UGT8: variants seen among roughly 807,000 people sequenced by gnomAD.
UGT8 encodes the protein UDP glycosyltransferase 8, also known as 2-hydroxyacylsphingosine 1-beta-galactosyltransferase.
In UGT8, 12 loss-of-function variants were observed where a neutral mutation model predicts 40.5. That is an observed-to-expected ratio of 0.30 (90% CI 0.19 to 0.48). UGT8 has a LOEUF of 0.48. Among genes scored for constraint, UGT8 ranks in the 20% least tolerant of loss-of-function variants. The pLI is 0.99. For missense variants in UGT8, 513 were observed against 648.7 expected, an observed-to-expected ratio of 0.79 and a Z score of 2.27; for synonymous variants, 224 against 240.4, an observed-to-expected ratio of 0.93 and a Z score of 0.63.
chr4:114,630,395 G>A (rs12648779), intron 2 of UGT8, among the ~76,000 whole-genome samples: 1,575 of 152,298 alleles, frequency 0.01, 54 homozygotes, highest in East Asian at 0.079. Flanking sequence ...GTATATGAGA[G>A]CCACGACAAT....
At chr4:114,673,850 G>A (rs1735452669) in intron 5 of UGT8, among the ~76,000 whole-genome samples, 1 of 152,096 alleles carries the variant, frequency 6.6e-6, no homozygotes, top group South Asian at 2.1e-4. Context: ...TAGAAATTAT[G>A]ATAAATTACA....
chr4:114,659,283 A>G (rs541548562), intron 2 of UGT8, among the ~76,000 whole-genome samples: 1 of 152,336 alleles, frequency 6.6e-6, no homozygotes, highest in South Asian at 2.1e-4. Flanking sequence ...AAGAAGATAA[A>G]ATGATTATTT....
intron 1 of UGT8, 180 bp from the exon 2 acceptor site, chr4:114,622,699 C>T (rs1731894356): frequency 3.6e-6 from 2 of 551,648 alleles, no homozygotes; most frequent in Non-Finnish European, 6.3e-6. Context: ...TGATGGTGAG[C>T]ATTTTTTCAT....
At chr4:114,635,043 G>A (rs1236949130) in intron 2 of UGT8, among the ~76,000 whole-genome samples, 3 of 147,582 alleles carry the variant, frequency 2.0e-5, no homozygotes, top group East Asian at 2.0e-4. Context: ...TTTTTTTTTA[G>A]TAAACCATGA....
intron 2 of UGT8, among the ~76,000 whole-genome samples, chr4:114,636,489 G>C (rs765475861): frequency 6.6e-6 from 1 of 152,016 alleles, no homozygotes; most frequent in Admixed American, 6.5e-5. Flanking sequence ...TAATCTTTAC[G>C]CATTAGTGTT....
chr4:114,676,549 A>G lies in UGT8; in HGVS notation c.*261A>G. Reference sequence around the variant, plus strand: ...AAGCCTTAATTATTTAAATCAATTCAGTGACTGTGTCAGACCTTAGTTTTA... The same window carrying G: ...AAGCCTTAATTATTTAAATCAATTCGGTGACTGTGTCAGACCTTAGTTTTA... On this transcript the variant is annotated 3_prime_UTR_variant, in exon 6 of 6. Coordinates refer to ENST00000310836, the MANE Select transcript of UGT8 (RefSeq NM_001128174.3). 1 of 352,674 alleles carries G rather than the reference A, an allele frequency of 2.8e-6. No homozygotes were observed. Among genetic ancestry groups the G allele is most frequent in the Non-Finnish European group, 5.1e-6 (1 of 194,462 alleles). The allele number at this position is 352,674 out of a possible 1,614,324, so 21.8% of individuals were successfully genotyped here. A position where few individuals can be genotyped will look rare whatever the true frequency, so the allele number is the denominator to read the frequency against.
chr4:114,650,279 A>C (rs1463139466), intron 2 of UGT8, among the ~76,000 whole-genome samples: 1 of 152,192 alleles, frequency 6.6e-6, no homozygotes, highest in Non-Finnish European at 1.5e-5. Context: ...CCTTTTGCAA[A>C]TAGCACTTAT....
intron 1 of UGT8, among the ~76,000 whole-genome samples, chr4:114,612,514 G>A (rs1731155336): frequency 6.6e-6 from 1 of 151,854 alleles, no homozygotes; most frequent in Non-Finnish European, 1.5e-5. Context: ...CCACGTATAG[G>A]TCCATTAAAA....
chr4:114,644,351 T>TA (rs1337910670), intron 2 of UGT8, among the ~76,000 whole-genome samples: 1 of 152,194 alleles, frequency 6.6e-6, no homozygotes, highest in African/African-American at 2.4e-5. Context: ...TGTTCATTGG[T>TA]ATCCTTCTCA....
intron 2 of UGT8, chr4:114,656,635 G>A: frequency 3.1e-6 from 1 of 324,208 alleles, no homozygotes; most frequent in Non-Finnish European, 6.2e-6. Context: ...AAGAAGTGTG[G>A]TAGGTGCCCT....
intron 2 of UGT8, among the ~76,000 whole-genome samples, chr4:114,646,038 A>G (rs1360410669): frequency 6.6e-6 from 1 of 152,196 alleles, no homozygotes; most frequent in Non-Finnish European, 1.5e-5. Context: ...AGTATATGTA[A>G]TAAGAAGTAT....
chr4:114,608,880 A>G (rs1169227057), intron 1 of UGT8, among the ~76,000 whole-genome samples: 13 of 152,216 alleles, frequency 8.5e-5, no homozygotes, highest in Non-Finnish European at 1.9e-4. Context: ...TGAGGAAGAT[A>G]ACTTAGGAAG....
intron 1 of UGT8, among the ~76,000 whole-genome samples, chr4:114,616,383 G>A (rs1443129432): frequency 4.6e-5 from 7 of 152,178 alleles, no homozygotes; most frequent in South Asian, 2.1e-4. Flanking sequence ...CTCCATGGGC[G>A]TAGGACCCTC....
At chr4:114,637,177 G>T (rs947004163) in intron 2 of UGT8, among the ~76,000 whole-genome samples, 1 of 152,124 alleles carries the variant, frequency 6.6e-6, no homozygotes, top group Non-Finnish European at 1.5e-5. Context: ...TCCTACGGGC[G>T]ATTATGGCTC....
chr4:114,634,912 T>C (rs1324679527), intron 2 of UGT8, among the ~76,000 whole-genome samples: 6 of 152,188 alleles, frequency 3.9e-5, no homozygotes, highest in Non-Finnish European at 1.5e-5. Flanking sequence ...TAAATCGTTC[T>C]TATTTCTAGT....
chr4:114,619,698 A>G (rs979254880), intron 1 of UGT8, among the ~76,000 whole-genome samples: 11 of 151,922 alleles, frequency 7.2e-5, no homozygotes, highest in African/African-American at 2.4e-4. Flanking sequence ...ATGACAGTGT[A>G]TTTAACCAAT....
In UGT8 at chr4:114,623,560, A is replaced by G. The variant is rs1731986871; in HGVS notation, c.680A>G (p.Glu227Gly). ...ATGCAGAAGTACAACCTGCTGCCAG[A>G]GAAGTCCATGTATGATTTGGTTCAT... ...RIMQKYNLLP[E>G]KSMYDLVHGS... Residue 227 changes from glutamate (E) to glycine (G), a missense_variant, in exon 2 of 6, where the codon GAG becomes GGG. Glu to Gly is a moderately conservative substitution (Grantham distance 98). Transcript: ENST00000310836. 1 of 1,614,066 alleles carries G rather than the reference A, an allele frequency of 6.2e-7. No individual in the cohort carries two copies. The highest frequency in any genetic ancestry group is 8.5e-7 in the Non-Finnish European group (1 of 1,179,988).
chr4:114,668,368 A>G (rs969999190), intron 5 of UGT8, 64 bp downstream of exon 5: 1 of 1,262,678 alleles, frequency 7.9e-7, no homozygotes, highest in African/African-American at 1.5e-5. Context: ...TCAGTAGCCA[A>G]TTATTTTCAA....
intron 1 of UGT8, among the ~76,000 whole-genome samples, chr4:114,614,558 T>C (rs1051365849): frequency 1.3e-5 from 2 of 152,210 alleles, no homozygotes; most frequent in Non-Finnish European, 2.9e-5. Context: ...ACCAAAAGCT[T>C]CTGACAGGGA....
Sources: allele counts gnomAD v4.1 joint callset (sites outside exome capture counted in the v4.1 genomes callset), GRCh38; gene constraint gnomAD v4.1.1; transcripts MANE v1.5; gene names NCBI Gene and HGNC (gene_info 2026-07-23, HGNC 2026-07-21).